The following TRAPPC3 variants were observed in gnomAD, a reference collection of about 807,000 sequenced individuals.
TRAPPC3 encodes trafficking protein particle complex subunit 3, also known as trafficking protein particle complex 3.
Under a neutral mutation model 18.2 loss-of-function variants are expected in TRAPPC3, and 5 were observed. The ratio of observed to expected loss-of-function variants is 0.28; its 90% CI spans 0.14 to 0.58. The LOEUF is 0.58. Ranked by LOEUF, TRAPPC3 falls within the 20% of genes least tolerant of loss-of-function variation. The pLI is 0.91. For missense variants in TRAPPC3, 176 were observed against 225.9 expected (o/e 0.78, Z 1.41); for synonymous variants, 65 against 84.2 (o/e 0.77, Z 1.25).
At chr1:36,147,640 A>G (rs1644221289) in intron 1 of TRAPPC3, among the ~76,000 whole-genome samples, 1 of 152,178 alleles carries the variant, frequency 6.6e-6, no homozygotes, top group African/African-American at 2.4e-5. Flanking sequence ...AAAATTAAAT[A>G]GACAGTGCTA....
rs574558171 is a variant in TRAPPC3, at chr1:36,137,504, G to A, written c.424-182C>T. On this transcript the variant is annotated intron_variant, in intron 4 of 4. Transcript: ENST00000373166. The stretch of plus-strand genomic sequence containing the variant: ...AGACAATGGCTCCAACCCTTAAGGA[G>A]AAACTTAGCAAAGAATACCCAAGAA... The A allele has an allele frequency of 1.1e-4, 71 of 658,950 alleles. No homozygotes were observed. The South Asian group carries it at 1.4e-3, about 13-fold the overall frequency. 40.8% of individuals were successfully genotyped at this position (658,950 alleles called of 1,614,324 possible).
chr1:36,149,112 C>A (rs10752586), intron 1 of TRAPPC3: 8 of 1,433,358 alleles, frequency 5.6e-6, no homozygotes, highest in Non-Finnish European at 7.3e-6. Flanking sequence ...GTTGGCTTAG[C>A]ACAGAGCTGC....
chr1:36,139,966 G>C, intron 2 of TRAPPC3, 103 bp downstream of exon 2: 2 of 1,464,456 alleles, frequency 1.4e-6, no homozygotes. Context: ...CAAAATGTTG[G>C]CTAAGAAAGA....
Position 36,144,689 on chromosome 1 carries a change from G to A in TRAPPC3, c.43-4523C>T, listed in dbSNP as rs1436901137. ...AGTCTGGACTTGCTGCTTAACAGCT[G>A]TGAGTACTTAGGTAAATCAATTCAC... On this transcript the variant is annotated intron_variant, in intron 1 of 4. Transcript: ENST00000373166. 3.3e-5 allele frequency among the ~76,000 whole-genome samples: 5 copies of A among 152,220 alleles called. No homozygotes were observed. The East Asian group carries it at 9.6e-4, about 29-fold the overall frequency.
chr1:36,147,267 G>A lies in TRAPPC3; in HGVS notation c.42+2070C>T, dbSNP rs139773994. On this transcript the variant is annotated intron_variant, in intron 1 of 4. Transcript: ENST00000373166. Reference sequence around the variant, plus strand: ...GAACCTGGGAGGTGGAGGCTGCAGTGAGCTGAGATCGGGCCACTGCACTCC... The same window carrying A: ...GAACCTGGGAGGTGGAGGCTGCAGTAAGCTGAGATCGGGCCACTGCACTCC... Among the ~76,000 whole-genome samples, 1,155 of 152,274 alleles carry A rather than the reference G, an allele frequency of 7.6e-3. 6 individuals are homozygous for A. The highest frequency in any genetic ancestry group is 0.012 in the Non-Finnish European group (801 of 68,018).
chr1:36,149,151 C>T, intron 1 of TRAPPC3, 186 bp downstream of exon 1: 11 of 1,463,070 alleles, frequency 7.5e-6, no homozygotes, highest in Non-Finnish European at 9.9e-6. Context: ...GGGTCTCCTC[C>T]GGGGAACTTC....
upstream of TRAPPC3, among the ~76,000 whole-genome samples, chr1:36,153,635 C>G (rs1644287006): frequency 6.6e-6 from 1 of 152,218 alleles, no homozygotes; most frequent in Non-Finnish European, 1.5e-5. Flanking sequence ...GGATGGTAAA[C>G]AGCATCCCTG....
Position 36,149,465 on chromosome 1 carries a change from G to C in TRAPPC3, c.-87C>G. On this transcript the variant is annotated 5_prime_UTR_variant, in exon 1 of 5. Coordinates refer to ENST00000373166, the MANE Select transcript of TRAPPC3 (RefSeq NM_014408.5). The stretch of plus-strand genomic sequence containing the variant: ...CCGGAGCCTAAGCCGCTGCCCCTCA[G>C]CCCACAAGACCGACCGGCACTGACT... 5 of 1,543,388 alleles carry C rather than the reference G, an allele frequency of 3.2e-6. No homozygotes were observed. Among genetic ancestry groups the C allele is most frequent in the Non-Finnish European group, 4.4e-6 (5 of 1,135,440 alleles).
chr1:36,137,417 CA>C, intron 4 of TRAPPC3, 95 bp from the exon 5 acceptor site: 14 of 1,320,148 alleles, frequency 1.1e-5, no homozygotes, highest in South Asian at 5.4e-5. Context: ...CCACAGCATC[CA>C]AAAAAGGGGG....
At chr1:36,152,692 C>T (rs1414434874), upstream of TRAPPC3, among the ~76,000 whole-genome samples, 1 of 152,000 alleles carries the variant, frequency 6.6e-6, no homozygotes, top group African/African-American at 2.4e-5. Flanking sequence ...TCTCTGTCGT[C>T]CAGGCTGGAG....
In TRAPPC3 at chr1:36,149,397, C is replaced by G; in HGVS notation, c.-19G>C. 1 of 1,612,484 alleles carries G rather than the reference C, an allele frequency of 6.2e-7. No individual in the cohort carries two copies. The highest frequency in any genetic ancestry group is 8.5e-7 in the Non-Finnish European group (1 of 1,179,700). ...TCGACATGGTGCCGGCCGCCCCGCC[C>G]CACTCGCCTAGCCACGGGTTAGCTC... is the stretch of plus-strand genomic sequence containing the variant. On this transcript the variant is annotated 5_prime_UTR_variant, in exon 1 of 5. Transcript: ENST00000373166.
At chr1:36,152,344 G>A (rs1570109694), upstream of TRAPPC3, among the ~76,000 whole-genome samples, 5 of 137,760 alleles carry the variant, frequency 3.6e-5, no homozygotes, top group East Asian at 2.1e-4. Flanking sequence ...GTCTTGCTCC[G>A]TCGCCCAGGC....
At chr1:36,152,507 G>A (rs1410559631), upstream of TRAPPC3, among the ~76,000 whole-genome samples, 5 of 151,914 alleles carry the variant, frequency 3.3e-5, no homozygotes, top group Admixed American at 2.0e-4. Context: ...ACTGGGTTTC[G>A]ACATGTTGGC....
chr1:36,141,288 A>G lies in TRAPPC3; in HGVS notation c.43-1122T>C, dbSNP rs1018451132. ...AGGCATTATCAGGGTTAAAGTGAGAAACATATTAACAGCACATCTGGACCA... is the reference window on the plus strand; with the variant it reads ...AGGCATTATCAGGGTTAAAGTGAGAGACATATTAACAGCACATCTGGACCA... On this transcript the variant is annotated intron_variant, in intron 1 of 4. Coordinates refer to ENST00000373166, the MANE Select transcript of TRAPPC3 (RefSeq NM_014408.5). 6.6e-5 allele frequency among the ~76,000 whole-genome samples: 10 copies of G among 152,360 alleles called. No individual in the cohort carries two copies. The Middle Eastern group carries it at 0.01, about 155-fold the overall frequency.
upstream of TRAPPC3, among the ~76,000 whole-genome samples, chr1:36,150,715 G>C (rs562314195): frequency 3.9e-5 from 6 of 152,306 alleles, no homozygotes; most frequent in African/African-American, 1.4e-4. Context: ...TAGAGGCAGT[G>C]ACCCCTCACT....
rs993453270 is a variant in TRAPPC3, at chr1:36,149,076, T to C, written c.42+261A>G. The C allele has an allele frequency of 4.2e-5, 59 of 1,389,452 alleles. 1 individual carries two copies. In the African/African-American group the frequency reaches 6.8e-4, roughly 16 times the overall value. 86.1% of individuals were successfully genotyped at this position (1,389,452 alleles called of 1,614,324 possible). A position where few individuals can be genotyped will look rare whatever the true frequency, so the allele number is the denominator to read the frequency against. On this transcript the variant is annotated intron_variant, in intron 1 of 4. Transcript: ENST00000373166. ...AGTAAGAGAGAAGTTAAGTGGCAGT[T>C]ATTGGTATTTATTACCGTCGTTGTT... is the stretch of plus-strand genomic sequence containing the variant.
chr1:36,137,140 G>A lies in TRAPPC3; in HGVS notation c.*63C>T, dbSNP rs1644036579. On this transcript the variant is annotated 3_prime_UTR_variant, in exon 5 of 5. Coordinates refer to ENST00000373166, the MANE Select transcript of TRAPPC3 (RefSeq NM_014408.5). ...GTCACTGAGTTCTGGAGGGCAGAGG[G>A]AGCACAGAGGCCTGCTGATTCCAAC... 1 of 1,565,984 alleles carries A rather than the reference G, an allele frequency of 6.4e-7. No individual in the cohort carries two copies. The highest frequency in any genetic ancestry group is 1.7e-4 in the Middle Eastern group (1 of 5,808).
upstream of TRAPPC3, among the ~76,000 whole-genome samples, chr1:36,150,392 A>G (rs141309047): frequency 1.4e-4 from 22 of 152,346 alleles, no homozygotes; most frequent in East Asian, 4.3e-3. Context: ...GGGGAAGTCT[A>G]TAGTCCCTGA....
Position 36,137,123 on chromosome 1 carries a change from G to A in TRAPPC3, c.*80C>T, listed in dbSNP as rs1644036426. 6 of 1,513,458 alleles carry A rather than the reference G, an allele frequency of 4.0e-6. No homozygotes were observed. Among genetic ancestry groups the A allele is most frequent in the Non-Finnish European group, 5.4e-6 (6 of 1,103,672 alleles). 93.8% of individuals were successfully genotyped at this position (1,513,458 alleles called of 1,614,324 possible). A position where few individuals can be genotyped will look rare whatever the true frequency, so the allele number is the denominator to read the frequency against. ...AACATCCATGTTCAAGAGTCACTGA[G>A]TTCTGGAGGGCAGAGGGAGCACAGA... On this transcript the variant is annotated 3_prime_UTR_variant, in exon 5 of 5. Coordinates refer to ENST00000373166, the MANE Select transcript of TRAPPC3 (RefSeq NM_014408.5).
Sources: gnomAD v4.1 joint callset for allele counts (sites outside exome capture counted in the v4.1 genomes callset) on GRCh38, gnomAD v4.1.1 for gene constraint, MANE v1.5 for transcripts, NCBI Gene and HGNC (gene_info 2026-07-23, HGNC 2026-07-21) for gene names.